The following KIAA2012 variants were observed in gnomAD, a reference collection of about 807,000 sequenced individuals.
The protein encoded by KIAA2012 is uncharacterized protein KIAA2012.
A neutral mutation model predicts 150.6 loss-of-function variants in KIAA2012; 125 were observed. That is an observed-to-expected ratio of 0.83 (90% confidence interval 0.72 to 0.96). The LOEUF is 0.96. Among genes scored for constraint, KIAA2012 ranks in the 40% least tolerant of loss-of-function variants. The pLI, the probability that KIAA2012 is intolerant of heterozygous loss-of-function variation, is 0.00. For missense variants in KIAA2012, 1,219 were observed against 1,354.9 expected (o/e 0.90, Z 1.57); for synonymous variants, 462 against 504.7 (o/e 0.92, Z 1.13).
At chr2:202,110,700 A>G (rs1236812507) in intron 10 of KIAA2012, among the ~76,000 whole-genome samples, 4 of 152,212 alleles carry the variant, frequency 2.6e-5, no homozygotes, top group Non-Finnish European at 5.9e-5. Flanking sequence ...CACAGAGGCA[A>G]CAGATTTCAC....
At chr2:202,171,637 CTATGGA>C (rs1428427427) in intron 15 of KIAA2012, among the ~76,000 whole-genome samples, 1 of 152,022 alleles carries the variant, frequency 6.6e-6, no homozygotes, top group Non-Finnish European at 1.5e-5. Flanking sequence ...CTGGGGCCTC[CTATGGA>C]CTCCATCCCG....
In KIAA2012 at chr2:202,186,983, G is replaced by A. The variant is rs1288386887; in HGVS notation, c.2261G>A (p.Gly754Glu). 10 of 1,550,462 alleles carry A rather than the reference G, an allele frequency of 6.4e-6. No individual in the cohort carries two copies. The highest frequency in any genetic ancestry group is 8.7e-6 in the Non-Finnish European group (10 of 1,146,996). ...CTACACAGAGGACTTCTGGGATACG[G>A]GCCTGAGTCACCCGAGAGGTTGAGT... is the stretch of plus-strand genomic sequence containing the variant. ...HHLHRGLLGY[G>E]PESPERLSAV... Residue 754 changes from glycine (G) to glutamate (E), a missense_variant, in exon 17 of 24, where the codon GGG becomes GAG. Physicochemically the swap from Gly to Glu is moderately conservative, Grantham distance 98. Coordinates refer to ENST00000498697, the MANE Select transcript of KIAA2012 (RefSeq NM_001277372.4).
In KIAA2012 at chr2:202,171,194, C is replaced by T. The variant is rs147978016; in HGVS notation, c.2119+5838C>T. 5.0e-3 allele frequency among the ~76,000 whole-genome samples: 422 copies of T among 84,262 alleles called. 3 individuals carry two copies. Among genetic ancestry groups the T allele is most frequent in the African/African-American group, 0.016 (392 of 24,504 alleles). 55.3% of individuals were successfully genotyped at this position (84,262 alleles called of 152,430 possible). A position where few individuals can be genotyped will look rare whatever the true frequency, so the allele number is the denominator to read the frequency against. The stretch of plus-strand genomic sequence containing the variant: ...AGACACACACACAGACACATATACA[C>T]AGACACACATGCACACACACACACA... On this transcript the variant is annotated intron_variant, in intron 15 of 23. Coordinates refer to ENST00000498697, the MANE Select transcript of KIAA2012 (RefSeq NM_001277372.4).
intron 2 of KIAA2012, among the ~76,000 whole-genome samples, chr2:202,085,743 C>T (rs1689551830): frequency 6.6e-6 from 1 of 152,164 alleles, no homozygotes; most frequent in Non-Finnish European, 1.5e-5. Flanking sequence ...AGATCAGCTT[C>T]CAAATCCTAA....
At chr2:202,192,030 A>G (rs1692333416) in intron 19 of KIAA2012, among the ~76,000 whole-genome samples, 1 of 152,192 alleles carries the variant, frequency 6.6e-6, no homozygotes, top group Non-Finnish European at 1.5e-5. Flanking sequence ...ATGGTCTTCC[A>G]AAAAGGATTC....
chr2:202,134,824 G>A (rs1374661500), intron 12 of KIAA2012, among the ~76,000 whole-genome samples: 1 of 152,192 alleles, frequency 6.6e-6, no homozygotes, highest in African/African-American at 2.4e-5. Context: ...CAAAGTGCTG[G>A]GATTACAGGC....
rs113417612 is a variant in KIAA2012 at position 202,155,749 on chromosome 2, G to A, written c.2046+939G>A. Among the ~76,000 whole-genome samples, 88 of 152,290 alleles carry A rather than the reference G, an allele frequency of 5.8e-4. 1 individual carries two copies. Among genetic ancestry groups the A allele is most frequent in the African/African-American group, 1.5e-3 (61 of 41,560 alleles). ...TTGGAGGTCATGAGGGTCACCCTCCGAATTCCCTGGGCTGCCCCAATCCCA... is the reference window on the plus strand; with the variant it reads ...TTGGAGGTCATGAGGGTCACCCTCCAAATTCCCTGGGCTGCCCCAATCCCA... On this transcript the variant is annotated intron_variant, in intron 14 of 23. Coordinates refer to ENST00000498697, the MANE Select transcript of KIAA2012 (RefSeq NM_001277372.4).
intron 2 of KIAA2012, chr2:202,077,076 C>T: frequency 2.2e-6 from 1 of 457,084 alleles, no homozygotes; most frequent in South Asian, 1.5e-5. Context: ...CAGACAGGCC[C>T]ACTATGACCC....
chr2:202,074,182 A>G (rs1689270333), intron 1 of KIAA2012, among the ~76,000 whole-genome samples: 1 of 152,092 alleles, frequency 6.6e-6, no homozygotes, highest in Non-Finnish European at 1.5e-5. Context: ...AGAAGATTTT[A>G]AAGAGGTGGC....
intron 15 of KIAA2012, among the ~76,000 whole-genome samples, chr2:202,168,929 G>T (rs969299046): frequency 6.6e-6 from 1 of 152,162 alleles, no homozygotes; most frequent in Admixed American, 6.5e-5. Context: ...GAGGCCCAGA[G>T]CCCTATTGCC....
intron 14 of KIAA2012, among the ~76,000 whole-genome samples, chr2:202,163,435 T>C (rs918292681): frequency 6.6e-6 from 1 of 152,194 alleles, no homozygotes; most frequent in African/African-American, 2.4e-5. Context: ...AAAAGATAGT[T>C]CTTTTGACAC....
At chr2:202,093,455 GC>G (rs368029949) in intron 4 of KIAA2012, among the ~76,000 whole-genome samples, 1 of 152,296 alleles carries the variant, frequency 6.6e-6, no homozygotes, top group African/African-American at 2.4e-5. Context: ...GTGAAACTGA[GC>G]TTTTTATTTT....
intron 15 of KIAA2012, among the ~76,000 whole-genome samples, chr2:202,172,916 C>T (rs1691923354): frequency 6.6e-6 from 1 of 152,248 alleles, no homozygotes; most frequent in African/African-American, 2.4e-5. Flanking sequence ...CTGCCAGGCC[C>T]TGCTATCTGC....
At chr2:202,092,953 G>A (rs1689764114) in intron 3 of KIAA2012, 77 bp from the exon 4 acceptor site, 2 of 1,285,170 alleles carry the variant, frequency 1.6e-6, no homozygotes, top group Non-Finnish European at 2.1e-6. Flanking sequence ...GTGTAAGTGA[G>A]GAACCTTGTA....
At chr2:202,109,554 T>C in intron 9 of KIAA2012, 59 bp from the exon 10 acceptor site, 5 of 1,426,810 alleles carry the variant, frequency 3.5e-6, no homozygotes, top group Non-Finnish European at 4.6e-6. Flanking sequence ...GAGAGCTTCC[T>C]TCTCCTTCCT....
At chr2:202,177,222 T>C (rs1479447030) in intron 15 of KIAA2012, among the ~76,000 whole-genome samples, 1 of 152,232 alleles carries the variant, frequency 6.6e-6, no homozygotes, top group Non-Finnish European at 1.5e-5. Flanking sequence ...TAATATCATT[T>C]ATGTAAAGTT....
chr2:202,099,699 TG>T lies in KIAA2012; in HGVS notation c.918del (p.His307MetfsTer37). The stretch of plus-strand genomic sequence containing the variant: ...CACAGCAAACCTCCAGGAAGGCCTT[TG>T]GGCATGGCCGCATCGATCACTCTTG... ...KTQQTSRKAF[G>X]HGRIDHSWLP... On this transcript the variant is annotated frameshift_variant, in exon 6 of 24. Transcript: ENST00000498697. LOFTEE classifies it high-confidence loss of function. The T allele has an allele frequency of 6.4e-7, 1 of 1,550,574 alleles. No homozygotes were observed.
Position 202,113,265 on chromosome 2 carries a change from T to C in KIAA2012, c.1652-71T>C, listed in dbSNP as rs1690423683. 3.4e-6 allele frequency: 4 copies of C among 1,189,902 alleles called. No individual in the cohort carries two copies. The East Asian group carries it at 7.7e-5, about 23-fold the overall frequency. 73.7% of individuals were successfully genotyped at this position (1,189,902 alleles called of 1,614,324 possible). A position where few individuals can be genotyped will look rare whatever the true frequency, so the allele number is the denominator to read the frequency against. ...GTGCCCGCGGGGGACCAGGGGAACA[T>C]GGCCCAGGTTTGGTCTGTCTCCCTC... On this transcript the variant is annotated intron_variant, in intron 10 of 23. Coordinates refer to ENST00000498697, the MANE Select transcript of KIAA2012 (RefSeq NM_001277372.4).
chr2:202,173,348 T>C (rs1028717344), intron 15 of KIAA2012, among the ~76,000 whole-genome samples: 3 of 152,150 alleles, frequency 2.0e-5, no homozygotes, highest in African/African-American at 7.2e-5. Context: ...GGCGAGCGGA[T>C]CACCTGAGGC....
Sources: gnomAD v4.1 joint callset for allele counts (sites outside exome capture counted in the v4.1 genomes callset) on GRCh38, gnomAD v4.1.1 for gene constraint, MANE v1.5 for transcripts, NCBI Gene and HGNC (gene_info 2026-07-23, HGNC 2026-07-21) for gene names.